The following PHLPP1 variants were observed in gnomAD, a reference collection of about 807,000 sequenced individuals.
The protein encoded by PHLPP1 is PH domain leucine-rich repeat-containing protein phosphatase 1.
In PHLPP1, 42 loss-of-function variants were observed where a neutral mutation model predicts 117.2. That is an observed-to-expected ratio of 0.36 (90% confidence interval 0.28 to 0.46). The LOEUF is 0.46. Among genes scored for constraint, PHLPP1 ranks in the 20% least tolerant of loss-of-function variants. The pLI is 1.00. For synonymous variants in PHLPP1, 1,042 were observed against 970.7 expected (o/e 1.07, Z -1.37); for missense variants, 2,084 against 2,241.9 (o/e 0.93, Z 1.42).
Position 62,879,288 on chromosome 18 carries a change from A to G in PHLPP1, c.2067-15723A>G, listed in dbSNP as rs561380990. Among the ~76,000 whole-genome samples, 114 of 152,276 alleles carry G rather than the reference A, an allele frequency of 7.5e-4. 1 individual carries two copies. The highest frequency in any genetic ancestry group is 2.7e-3 in the African/African-American group (113 of 41,566). Reference sequence around the variant, plus strand: ...GCTCTTACTGCTCTTCTGCCATGGGATGACACAGCAAGAAGGCCCTCAACA... The same window carrying G: ...GCTCTTACTGCTCTTCTGCCATGGGGTGACACAGCAAGAAGGCCCTCAACA... On this transcript the variant is annotated intron_variant, in intron 4 of 16. Transcript: ENST00000262719.
chr18:62,852,056 A>G (rs1915367244), intron 3 of PHLPP1, among the ~76,000 whole-genome samples: 1 of 150,528 alleles, frequency 6.6e-6, no homozygotes, highest in Admixed American at 6.6e-5. Flanking sequence ...TTTTAATTTA[A>G]TTTTGTAGAG....
rs560826986 is a variant in PHLPP1 at position 62,826,728 on chromosome 18, C to T, written c.1577-3307C>T. On this transcript the variant is annotated intron_variant, in intron 1 of 16. Coordinates refer to ENST00000262719, the MANE Select transcript of PHLPP1 (RefSeq NM_194449.4). Reference sequence around the variant, plus strand: ...AATCAAGATCCAGAGGCCATCCGGGCGCGGTGGTTCATGCCTGTAATCCCA... The same window carrying T: ...AATCAAGATCCAGAGGCCATCCGGGTGCGGTGGTTCATGCCTGTAATCCCA... 9.9e-5 allele frequency among the ~76,000 whole-genome samples: 15 copies of T among 152,124 alleles called. 1 individual carries two copies. In the East Asian group the frequency reaches 1.4e-3, roughly 14 times the overall value.
intron 7 of PHLPP1, 75 bp downstream of exon 7, chr18:62,903,241 G>T: frequency 9.9e-7 from 1 of 1,014,224 alleles, no homozygotes; most frequent in Non-Finnish European, 1.5e-6. Context: ...TTCTGCTTCT[G>T]ATTATTCTTT....
chr18:62,803,659 T>G (rs1332147619), intron 1 of PHLPP1, among the ~76,000 whole-genome samples: 1 of 152,244 alleles, frequency 6.6e-6, no homozygotes, highest in Non-Finnish European at 1.5e-5. Context: ...ATGAACATTC[T>G]TGTGCATCTT....
In PHLPP1 at chr18:62,913,739, C is replaced by T. The variant is rs76753213; in HGVS notation, c.2709-1174C>T. On this transcript the variant is annotated intron_variant, in intron 8 of 16. Coordinates refer to ENST00000262719, the MANE Select transcript of PHLPP1 (RefSeq NM_194449.4). ...ACCATTAGTTTAGTTCTCTCTCTCT[C>T]TTTTTTTTTTTTTTTTTTTTTGAGA... Among the ~76,000 whole-genome samples, 550 of 100,748 alleles carry T rather than the reference C, an allele frequency of 5.5e-3. 1 individual carries two copies. The highest frequency in any genetic ancestry group is 0.011 in the African/African-American group (280 of 25,124). 66.1% of individuals were successfully genotyped at this position (100,748 alleles called of 152,430 possible).
chr18:62,931,679 G>A (rs1434274900), intron 10 of PHLPP1, among the ~76,000 whole-genome samples: 1 of 151,554 alleles, frequency 6.6e-6, no homozygotes, highest in Non-Finnish European at 1.5e-5. Context: ...TGGATCATAA[G>A]GTCAAGAGTT....
intron 4 of PHLPP1, among the ~76,000 whole-genome samples, chr18:62,868,621 C>CAA (rs35943627): frequency 0.053 from 3,587 of 67,132 alleles, 189 homozygotes; most frequent in African/African-American, 0.17. Flanking sequence ...GACTCTGTCT[C>CAA]AAAAAAAAAA....
At chr18:62,925,824 C>G (rs1026024992) in intron 10 of PHLPP1, among the ~76,000 whole-genome samples, 3 of 152,152 alleles carry the variant, frequency 2.0e-5, no homozygotes, top group African/African-American at 7.2e-5. Flanking sequence ...AGATTCTTGG[C>G]TCTTATCTCA....
chr18:62,945,357 C>T lies in PHLPP1; in HGVS notation c.3324+86C>T, dbSNP rs1910250668. The T allele has an allele frequency of 2.6e-6, 3 of 1,137,484 alleles. No homozygotes were observed. The South Asian group carries it at 5.4e-5, about 20-fold the overall frequency. The allele number at this position is 1,137,484 out of a possible 1,614,324, so 70.5% of individuals were successfully genotyped here. A position where few individuals can be genotyped will look rare whatever the true frequency, so the allele number is the denominator to read the frequency against. On this transcript the variant is annotated intron_variant, in intron 12 of 16. Transcript: ENST00000262719. ...ACTCATCAACTCAGGACGTTTGCAT[C>T]TTTGTTGGATTTATTCAGAATGAAG... is the stretch of plus-strand genomic sequence containing the variant.
intron 1 of PHLPP1, among the ~76,000 whole-genome samples, chr18:62,727,576 A>G (rs1260118850): frequency 6.6e-6 from 1 of 150,758 alleles, no homozygotes; most frequent in Admixed American, 6.6e-5. Flanking sequence ...TGGTCATGCC[A>G]CTGCACTCCA....
At chr18:62,911,220 C>G (rs1370040494) in intron 8 of PHLPP1, among the ~76,000 whole-genome samples, 1 of 32,436 alleles carries the variant, frequency 3.1e-5, no homozygotes, top group African/African-American at 1.2e-4. Flanking sequence ...CTAGGCATTA[C>G]CATTCAGGAC....
chr18:62,912,729 C>T (rs1916991905), intron 8 of PHLPP1, among the ~76,000 whole-genome samples: 1 of 152,176 alleles, frequency 6.6e-6, no homozygotes, highest in East Asian at 1.9e-4. Context: ...AAATGATTCT[C>T]CTGCTCCAGC....
intron 3 of PHLPP1, among the ~76,000 whole-genome samples, chr18:62,850,951 T>C (rs1250025124): frequency 6.6e-6 from 1 of 152,194 alleles, no homozygotes. Flanking sequence ...CTGAGGATTG[T>C]TCTTGGCCCT....
chr18:62,731,128 G>A (rs1292498419), intron 1 of PHLPP1: 1 of 151,934 alleles, frequency 6.6e-6, no homozygotes, highest in Non-Finnish European at 1.5e-5. Context: ...TGTTGGCAAC[G>A]TTTTTTCCAA....
chr18:62,716,718 C>G lies in PHLPP1; in HGVS notation c.1035C>G (p.Ser345=). The change falls in exon 1 of 17, where the codon TCC becomes TCG. Residue 345 remains serine (S), a synonymous_variant. Transcript: ENST00000262719. This position sits in a 1 kb window ranked among gnomAD's most constrained non-coding sequence, Gnocchi z 5.7. ...CCCGCGCCCCACGGCCTGTGGTCTC[C>G]GACACCGAGAGCTTCAGTCTGAGTC... The part of the protein sequence containing the change: ...SSPRAPRPVV[S]DTESFSLSPS... The G allele has an allele frequency of 2.7e-6, 4 of 1,501,770 alleles. No homozygotes were observed. The South Asian group carries it at 3.7e-5, about 14-fold the overall frequency. The allele number at this position is 1,501,770 out of a possible 1,614,324, so 93.0% of individuals were successfully genotyped here. A position where few individuals can be genotyped will look rare whatever the true frequency, so the allele number is the denominator to read the frequency against.
chr18:62,786,418 A>G (rs939733365), intron 1 of PHLPP1, among the ~76,000 whole-genome samples: 1 of 152,098 alleles, frequency 6.6e-6, no homozygotes, highest in Non-Finnish European at 1.5e-5. Context: ...AACTATCATT[A>G]TTACTTTTGG....
chr18:62,770,325 G>GTCTCAAGC (rs1912717628), intron 1 of PHLPP1, among the ~76,000 whole-genome samples: 1 of 152,176 alleles, frequency 6.6e-6, no homozygotes, highest in Admixed American at 6.5e-5. Context: ...GGCCAGGCTT[G>GTCTCAAGC]TCTCAAGCTC....
intron 10 of PHLPP1, among the ~76,000 whole-genome samples, chr18:62,931,067 C>G (rs150339872): frequency 1.3e-5 from 2 of 151,880 alleles, no homozygotes; most frequent in Non-Finnish European, 2.9e-5. Flanking sequence ...AATGGTGGCA[C>G]GTGCCTGTAG....
intron 13 of PHLPP1, among the ~76,000 whole-genome samples, chr18:62,961,825 T>C (rs142447713): frequency 7.5e-4 from 114 of 152,320 alleles, no homozygotes; most frequent in African/African-American, 2.6e-3. Flanking sequence ...CAAGACAAGA[T>C]GGAAAGTAAA....
Sources: gnomAD v4.1 joint callset for allele counts (sites outside exome capture counted in the v4.1 genomes callset) on GRCh38, gnomAD v4.1.1 for gene constraint, Gnocchi (gnomAD v3.1) non-coding constraint, MANE v1.5 for transcripts, NCBI Gene and HGNC (gene_info 2026-07-23, HGNC 2026-07-21) for gene names.